IL17RC: variants seen among roughly 807,000 people sequenced by gnomAD.
IL17RC encodes interleukin-17 receptor C.
IL17RC carries 53 observed loss-of-function variants against 86.7 expected under a neutral mutation model. The observed-to-expected ratio is 0.61, with a 90% CI of 0.49 to 0.77. IL17RC has a LOEUF of 0.77. Ranked by LOEUF, IL17RC falls within the 30% of genes least tolerant of loss-of-function variation. The pLI is 0.00. For synonymous variants in IL17RC, 439 were observed against 413.1 expected, an observed-to-expected ratio of 1.06 and a Z score of -0.76; for missense variants, 957 against 940.0, an observed-to-expected ratio of 1.02 and a Z score of -0.24.
At chr3:9,928,763 T>A (rs2084360220) in intron 12 of IL17RC, 133 bp downstream of exon 12, 1 of 878,840 alleles carries the variant, frequency 1.1e-6, no homozygotes, top group Non-Finnish European at 1.8e-6. Flanking sequence ...ACTGCCTACT[T>A]TAGTAGTGCG....
chr3:9,931,453 T>TCACACACACACACACACACACACA (rs201407577), intron 16 of IL17RC, among the ~76,000 whole-genome samples: 66 of 44,902 alleles, frequency 1.5e-3, no homozygotes, highest in Non-Finnish European at 2.0e-3. Flanking sequence ...TTTATATATT[T>TCACACACACACACACACACACACA]CACACACACA....
intron 5 of IL17RC, 58 bp from the exon 6 acceptor site, chr3:9,920,433 C>A: frequency 9.7e-7 from 1 of 1,028,062 alleles, no homozygotes; most frequent in Non-Finnish European, 1.5e-6. Context: ...GATCCCACAG[C>A]CCTTGGCCTG....
chr3:9,921,617 T>C (rs908034673), intron 7 of IL17RC, among the ~76,000 whole-genome samples: 2 of 140,156 alleles, frequency 1.4e-5, no homozygotes, highest in Non-Finnish European at 3.1e-5. Flanking sequence ...TAAAGGGTAC[T>C]GATTTTCTTT....
chr3:9,928,959 T>C, intron 12 of IL17RC: 1 of 318,142 alleles, frequency 3.1e-6, no homozygotes, highest in Non-Finnish European at 5.8e-6. Flanking sequence ...TTGCTATCCT[T>C]ATTCTATTTC....
intron 12 of IL17RC, 80 bp downstream of exon 12, chr3:9,928,710 C>A: frequency 6.9e-7 from 1 of 1,451,580 alleles, no homozygotes; most frequent in South Asian, 1.2e-5. Flanking sequence ...AGTTCTTGGG[C>A]CGCTAAAGCA....
chr3:9,926,547 C>T (rs1457404119), intron 9 of IL17RC, among the ~76,000 whole-genome samples: 5 of 151,928 alleles, frequency 3.3e-5, no homozygotes, highest in Non-Finnish European at 7.4e-5. Context: ...ATATCTAATT[C>T]AAATGTAATA....
rs1378358931 is a variant in IL17RC at position 9,917,569 on chromosome 3, G to A, written c.106-144G>A. The A allele has an allele frequency of 1.1e-5, 18 of 1,614,024 alleles. No individual in the cohort carries two copies. Among genetic ancestry groups the A allele is most frequent in the African/African-American group, 5.3e-5 (4 of 74,918 alleles). On this transcript the variant is annotated intron_variant, in intron 1 of 18. Transcript: ENST00000403601. ...GCTGATGGTAGAAGAGAAGAACGGG[G>A]AAGGGGCAAGAGCTGGGTCTGTCTT...
Position 9,917,696 on chromosome 3 carries a change from C to T in IL17RC, c.106-17C>T, listed in dbSNP as rs1575514897. On this transcript the variant is annotated splice_polypyrimidine_tract_variant and intron_variant, in intron 1 of 18. Transcript: ENST00000403601. ...GGTGGGGGCACAAATTCTGACTCTC[C>T]TTTCTTTCCTTCCCAGGGCCTCTCC... 1 of 1,613,768 alleles carries T rather than the reference C, an allele frequency of 6.2e-7. No individual in the cohort carries two copies. The highest frequency in any genetic ancestry group is 8.5e-7 in the Non-Finnish European group (1 of 1,180,018).
In IL17RC at chr3:9,930,260, C is replaced by G. The variant is rs2084530514; in HGVS notation, c.1278+111C>G. On this transcript the variant is annotated intron_variant, in intron 14 of 18. Transcript: ENST00000403601. The surrounding 1 kb of genome is among the most constrained non-coding windows in gnomAD (Gnocchi z 5.8). ...CGGTCTCTGGGAACATGGGGGGTGA[C>G]TCAGACCAGGGCCATATTCAGCGGC... 1.9e-6 allele frequency: 3 copies of G among 1,544,908 alleles called. No individual in the cohort carries two copies. Among genetic ancestry groups the G allele is most frequent in the Non-Finnish European group, 2.7e-6 (3 of 1,126,120 alleles).
rs201407577 is a variant in IL17RC at position 9,931,453 on chromosome 3, TCACACA to T, written c.1387+523_1387+528del. ...AGCTACGATCAAATTTTTATATATT[TCACACA>T]CACACACACACATATATATATATAT... On this transcript the variant is annotated intron_variant, in intron 16 of 18. Transcript: ENST00000403601. 2.8e-3 allele frequency among the ~76,000 whole-genome samples: 124 copies of T among 44,814 alleles called. 1 individual carries two copies. The highest frequency in any genetic ancestry group is 6.1e-3 in the African/African-American group (117 of 19,234). 29.4% of individuals were successfully genotyped at this position (44,814 alleles called of 152,430 possible).
Position 9,933,294 on chromosome 3 carries a change from C to A in IL17RC, c.1864C>A (p.Gln622Lys). ...SLSCVLPDFLQGRAPGSYVGA... is the reference protein window; with the variant it reads ...SLSCVLPDFLKGRAPGSYVGA... Reference sequence around the variant, plus strand: ...CAGCTGCGTGCTGCCCGACTTCTTGCAGGGCCGGGCGCCCGGCAGCTACGT... The same window carrying A: ...CAGCTGCGTGCTGCCCGACTTCTTGAAGGGCCGGGCGCCCGGCAGCTACGT... The change falls in exon 19 of 19, where the codon CAG (glutamine) becomes AAG (lysine). Residue 622 changes from glutamine to lysine, a missense_variant. Physicochemically the swap from Gln to Lys is moderately conservative, Grantham distance 53 (BLOSUM62 1). Transcript: ENST00000403601. The A allele has an allele frequency of 6.2e-7, 1 of 1,604,038 alleles. No individual in the cohort carries two copies. The highest frequency in any genetic ancestry group is 8.5e-7 in the Non-Finnish European group (1 of 1,175,388).
chr3:9,928,640 G>C lies in IL17RC; in HGVS notation c.1110+10G>C, dbSNP rs746944176. On this transcript the variant is annotated intron_variant, in intron 12 of 18. Transcript: ENST00000403601. ...TAACCTCTGTGTTCAGGTCAGAAAG[G>C]GGTGCATAGTGCTGGGCTGGAGGCT... 3 of 1,613,496 alleles carry C rather than the reference G, an allele frequency of 1.9e-6. No homozygotes were observed. Among genetic ancestry groups the C allele is most frequent in the African/African-American group, 2.7e-5 (2 of 74,926 alleles).
chr3:9,933,270 A>C lies in IL17RC; in HGVS notation c.1840A>C (p.Ser614Arg). Residue 614 changes from serine (S) to arginine (R), a missense_variant, in exon 19 of 19, where the codon AGC becomes CGC. By Grantham distance (110) the Ser-to-Arg change is moderately radical. Coordinates refer to ENST00000403601, the MANE Select transcript of IL17RC (RefSeq NM_153460.4). ...GCACGACGCCTTCCGCGCCTCGCTC[A>C]GCTGCGTGCTGCCCGACTTCTTGCA... The part of the protein sequence containing the change: ...GPHDAFRASL[S>R]CVLPDFLQGR... The C allele has an allele frequency of 6.2e-7, 1 of 1,604,430 alleles. No individual in the cohort carries two copies. The highest frequency in any genetic ancestry group is 2.2e-5 in the East Asian group (1 of 44,460).
intron 7 of IL17RC, among the ~76,000 whole-genome samples, chr3:9,923,417 G>T (rs1381020041): frequency 1.3e-5 from 2 of 151,806 alleles, no homozygotes; most frequent in African/African-American, 4.8e-5. Context: ...GCCGGGGGTG[G>T]TGACACACGC....
At chr3:9,929,825 G>A (rs2084482571) in intron 12 of IL17RC, 27 bp from the exon 13 acceptor site, 4 of 1,613,910 alleles carry the variant, frequency 2.5e-6, no homozygotes, top group Non-Finnish European at 3.4e-6. Flanking sequence ...TTTCTTAGTG[G>A]CCCTAACCAT....
At position 9,930,103 on chromosome 3, in the gene IL17RC, C is replaced by T. The variant is rs752684823; in HGVS notation, c.1232C>T (p.Ala411Val). The T allele has an allele frequency of 7.4e-6, 12 of 1,613,998 alleles. No homozygotes were observed. The highest frequency in any genetic ancestry group is 1.0e-5 in the Non-Finnish European group (12 of 1,180,002). Residue 411 changes from alanine to valine, a missense_variant, in exon 14 of 19, where the codon GCC becomes GTC. By Grantham distance (64) the Ala-to-Val change is moderately conservative. Transcript: ENST00000403601. The surrounding 1 kb of genome is among the most constrained non-coding windows in gnomAD (Gnocchi z 5.8). Reference sequence around the variant, plus strand: ...CCCCAGGACAACAGATCCCTCTGTGCCTTGGAACCCAGTGGCTGTACTTCA... The same window carrying T: ...CCCCAGGACAACAGATCCCTCTGTGTCTTGGAACCCAGTGGCTGTACTTCA... ...RGPQDNRSLC[A>V]LEPSGCTSLP...
At chr3:9,917,683 A>G (rs773807343) in intron 1 of IL17RC, 30 bp from the exon 2 acceptor site, 1 of 1,613,760 alleles carries the variant, frequency 6.2e-7, no homozygotes, top group Non-Finnish European at 8.5e-7. Context: ...TGGGGGCACA[A>G]ATTCTGACTC....
intron 9 of IL17RC, among the ~76,000 whole-genome samples, chr3:9,925,142 GTCTT>G (rs1170731575): frequency 7.7e-5 from 11 of 142,340 alleles, no homozygotes; most frequent in Admixed American, 1.4e-4. Flanking sequence ...TTAAGACAGA[GTCTT>G]TCTCTGTCGC....
Position 9,917,175 on chromosome 3 carries a change from C to T in IL17RC, c.-141C>T. On this transcript the variant is annotated 5_prime_UTR_variant, in exon 1 of 19. Transcript: ENST00000403601. ...CAGAGAGTGCACAAACTACCCAGCA[C>T]AGCCCCCTCCGCCCCCTCTGGAGGC... 2 of 647,642 alleles carry T rather than the reference C, an allele frequency of 3.1e-6. No individual in the cohort carries two copies. The highest frequency in any genetic ancestry group is 5.3e-6 in the Non-Finnish European group (2 of 374,688). The allele number at this position is 647,642 out of a possible 1,614,324, so 40.1% of individuals were successfully genotyped here.
Sources: gnomAD v4.1 joint callset for allele counts (sites outside exome capture counted in the v4.1 genomes callset) on GRCh38, gnomAD v4.1.1 for gene constraint, Gnocchi (gnomAD v3.1) non-coding constraint, MANE v1.5 for transcripts, NCBI Gene and HGNC (gene_info 2026-07-23, HGNC 2026-07-21) for gene names.